The following STAG1 variants were observed in gnomAD, a reference collection of about 807,000 sequenced individuals.
STAG1 encodes cohesin subunit SA-1.
In STAG1, 26 loss-of-function variants were observed where a neutral mutation model predicts 170.9. That is an observed-to-expected ratio of 0.15 (90% confidence interval 0.11 to 0.21). STAG1 has a LOEUF of 0.21. Among genes scored for constraint, STAG1 ranks in the 10% least tolerant of loss-of-function variants. The pLI is 1.00. For missense variants in STAG1, 964 were observed against 1,509.5 expected (o/e 0.64, Z 5.99); for synonymous variants, 514 against 497.7 (o/e 1.03, Z -0.44).
At chr3:136,463,770 T>TACAC (rs375928916) in intron 13 of STAG1, among the ~76,000 whole-genome samples, 3,613 of 126,312 alleles carry the variant, frequency 0.029, 77 homozygotes, top group South Asian at 0.051. Flanking sequence ...TGTGTGTGTA[T>TACAC]ACACACACAC....
rs78853464 is a variant in STAG1 at position 136,345,731 on chromosome 3, A to T, written c.3272-1725T>A. 2.4e-4 allele frequency among the ~76,000 whole-genome samples: 37 copies of T among 152,164 alleles called. 1 individual carries two copies. The highest frequency in any genetic ancestry group is 8.7e-4 in the African/African-American group (36 of 41,506). Reference sequence around the variant, plus strand: ...TTGCTTTTCCTCTCAAGTCTCAGAGATGTGTGTGTTAGGTTCCTCTTTTGC... The same window carrying T: ...TTGCTTTTCCTCTCAAGTCTCAGAGTTGTGTGTGTTAGGTTCCTCTTTTGC... On this transcript the variant is annotated intron_variant, in intron 29 of 33. Coordinates refer to ENST00000383202, the MANE Select transcript of STAG1 (RefSeq NM_005862.3).
chr3:136,473,940 C>T (rs2089684053), intron 10 of STAG1, among the ~76,000 whole-genome samples: 1 of 152,060 alleles, frequency 6.6e-6, no homozygotes, highest in African/African-American at 2.4e-5. Context: ...AATTTTAAAC[C>T]TATAATTAGG....
intron 1 of STAG1, among the ~76,000 whole-genome samples, chr3:136,657,780 C>G (rs1287656224): frequency 6.6e-6 from 1 of 152,140 alleles, no homozygotes; most frequent in East Asian, 1.9e-4. Flanking sequence ...CAAGATGGCA[C>G]CACTGCACTC....
At chr3:136,625,475 A>G (rs1940053157) in intron 2 of STAG1, among the ~76,000 whole-genome samples, 1 of 152,220 alleles carries the variant, frequency 6.6e-6, no homozygotes, top group Admixed American at 6.5e-5. Flanking sequence ...CACATCTAAA[A>G]TTGAATCCAA....
At chr3:136,694,207 T>TG (rs1942810993) in intron 1 of STAG1, among the ~76,000 whole-genome samples, 1 of 152,152 alleles carries the variant, frequency 6.6e-6, no homozygotes, top group Admixed American at 6.5e-5. Context: ...TTGATACTTA[T>TG]CCCAATATCG....
At chr3:136,460,620 G>A (rs559557145) in intron 13 of STAG1, among the ~76,000 whole-genome samples, 1 of 151,300 alleles carries the variant, frequency 6.6e-6, no homozygotes, top group Non-Finnish European at 1.5e-5. Flanking sequence ...AAAACCTGAA[G>A]AGACCAATAA....
At chr3:136,718,884 G>A (rs201907981) in intron 1 of STAG1, among the ~76,000 whole-genome samples, 32 of 152,116 alleles carry the variant, frequency 2.1e-4, no homozygotes, top group African/African-American at 7.5e-4. Flanking sequence ...CCAAGATCAC[G>A]CCACTGCACT....
At chr3:136,532,320 G>A (rs531773502) in intron 6 of STAG1, among the ~76,000 whole-genome samples, 4 of 152,110 alleles carry the variant, frequency 2.6e-5, no homozygotes, top group Non-Finnish European at 5.9e-5. Context: ...TGGCCTGTAG[G>A]TTCCTTTATG....
chr3:136,378,527 G>A (rs140351712), intron 22 of STAG1, among the ~76,000 whole-genome samples: 7 of 152,258 alleles, frequency 4.6e-5, no homozygotes, highest in African/African-American at 1.7e-4. Context: ...AATTAGCCGC[G>A]CATGGTGGAG....
chr3:136,688,822 T>C (rs1942625869), intron 1 of STAG1, among the ~76,000 whole-genome samples: 2 of 152,216 alleles, frequency 1.3e-5, no homozygotes, highest in African/African-American at 4.8e-5. Flanking sequence ...TTTTTAAAGA[T>C]GAAAGTTTGT....
intron 9 of STAG1, among the ~76,000 whole-genome samples, chr3:136,496,249 A>G (rs540392239): frequency 6.6e-6 from 1 of 152,226 alleles, no homozygotes; most frequent in Non-Finnish European, 1.5e-5. Context: ...ATCAGTAAAG[A>G]GAGAGAAGAC....
At chr3:136,687,983 C>T (rs1000883041) in intron 1 of STAG1, among the ~76,000 whole-genome samples, 2 of 152,130 alleles carry the variant, frequency 1.3e-5, no homozygotes, top group East Asian at 1.9e-4. Flanking sequence ...GTGATCCACC[C>T]GCCTCGACCT....
At chr3:136,441,175 A>G (rs187801723) in intron 15 of STAG1, among the ~76,000 whole-genome samples, 88 of 151,946 alleles carry the variant, frequency 5.8e-4, no homozygotes, top group African/African-American at 2.1e-3. Flanking sequence ...TGGGATTACA[A>G]GTGCCCGCCA....
intron 6 of STAG1, among the ~76,000 whole-genome samples, chr3:136,533,542 C>T (rs1209291876): frequency 6.6e-6 from 1 of 151,990 alleles, no homozygotes; most frequent in African/African-American, 2.4e-5. Context: ...CACAGCAGAA[C>T]GTGAAGGTGA....
rs555739839 is a variant in STAG1, at chr3:136,527,258, A to G, written c.472-5841T>C. 6.4e-3 allele frequency among the ~76,000 whole-genome samples: 970 copies of G among 152,260 alleles called. 7 individuals are homozygous for G. The highest frequency in any genetic ancestry group is 9.5e-3 in the Non-Finnish European group (647 of 68,016). ...TCAGATGTAGATTTGGTCTTTCACC[A>G]TAGTCCCATATTTCTTGGAGGCTTT... On this transcript the variant is annotated intron_variant, in intron 6 of 33. Transcript: ENST00000383202.
At chr3:136,356,031 T>A (rs755424235) in intron 28 of STAG1, among the ~76,000 whole-genome samples, 20 of 151,772 alleles carry the variant, frequency 1.3e-4, no homozygotes, top group Non-Finnish European at 2.9e-4. Context: ...CCCATTTCAG[T>A]GCCTGAAACT....
intron 4 of STAG1, among the ~76,000 whole-genome samples, chr3:136,588,016 G>A (rs753981340): frequency 3.3e-5 from 5 of 152,138 alleles, no homozygotes; most frequent in Non-Finnish European, 7.4e-5. Flanking sequence ...TTAGGTCAAA[G>A]TAAGAGTAAA....
At chr3:136,580,619 C>T (rs1206786953) in intron 4 of STAG1, among the ~76,000 whole-genome samples, 24 of 149,278 alleles carry the variant, frequency 1.6e-4, no homozygotes, top group Admixed American at 5.3e-4. Context: ...CTGCAAGCTC[C>T]GCTTCCCGGG....
At position 136,597,746 on chromosome 3, in the gene STAG1, A is replaced by C. The variant is rs535632344; in HGVS notation, c.297+6563T>G. Reference sequence around the variant, plus strand: ...TTTCAACACAATTATATCCTCTTCCAATAGGGATACTTTTGCATCTTCATC... The same window carrying C: ...TTTCAACACAATTATATCCTCTTCCCATAGGGATACTTTTGCATCTTCATC... On this transcript the variant is annotated intron_variant, in intron 4 of 33. Transcript: ENST00000383202. 1.3e-4 allele frequency among the ~76,000 whole-genome samples: 19 copies of C among 151,736 alleles called. No homozygotes were observed. In the South Asian group the frequency reaches 3.5e-3, roughly 28 times the overall value.
Sources: gnomAD v4.1 joint callset for allele counts (sites outside exome capture counted in the v4.1 genomes callset) on GRCh38, gnomAD v4.1.1 for gene constraint, MANE v1.5 for transcripts, NCBI Gene and HGNC (gene_info 2026-07-23, HGNC 2026-07-21) for gene names.